The following PDE4B variants were observed in gnomAD, a reference collection of about 807,000 sequenced individuals.
The protein encoded by PDE4B is 3',5'-cyclic-AMP phosphodiesterase 4B.
PDE4B carries 20 observed loss-of-function variants against 82.2 expected under a neutral mutation model. That is an observed-to-expected ratio of 0.24 (90% CI 0.17 to 0.35). The LOEUF (loss-of-function observed/expected upper bound fraction) is 0.35, where lower values mean the gene tolerates loss of function less well. PDE4B is among the 10% of genes least tolerant of loss of function. The pLI, the probability that PDE4B is intolerant of heterozygous loss-of-function variation, is 1.00. For missense variants in PDE4B, 655 were observed against 907.2 expected, an observed-to-expected ratio of 0.72 and a Z score of 3.57; for synonymous variants, 320 against 318.9, an observed-to-expected ratio of 1.00 and a Z score of -0.04.
At chr1:66,100,341 C>T (rs1192074029) in intron 3 of PDE4B, among the ~76,000 whole-genome samples, 1 of 152,150 alleles carries the variant, frequency 6.6e-6, no homozygotes, top group Non-Finnish European at 1.5e-5. Context: ...GTGTGAGCCA[C>T]TGTGTCCAGC....
At chr1:66,278,086 A>G (rs867059078) in intron 7 of PDE4B, among the ~76,000 whole-genome samples, 1 of 152,214 alleles carries the variant, frequency 6.6e-6, no homozygotes, top group Non-Finnish European at 1.5e-5. Flanking sequence ...TATTTTCTTG[A>G]CTGTTTATAC....
At chr1:66,268,667 CAAAAAAAAA>C (rs36046564) in intron 7 of PDE4B, among the ~76,000 whole-genome samples, 3 of 61,226 alleles carry the variant, frequency 4.9e-5, no homozygotes, top group Admixed American at 2.3e-4. Flanking sequence ...GACTCCATCT[CAAAAAAAAA>C]AAAAAAAAAA....
intron 3 of PDE4B, among the ~76,000 whole-genome samples, chr1:65,956,833 A>G (rs1486591164): frequency 6.6e-6 from 1 of 152,102 alleles, no homozygotes; most frequent in Non-Finnish European, 1.5e-5. Flanking sequence ...CCAGGAAACA[A>G]CAAATTATTT....
At chr1:66,248,625 T>G (rs1653509154) in intron 4 of PDE4B, among the ~76,000 whole-genome samples, 1 of 152,234 alleles carries the variant, frequency 6.6e-6, no homozygotes. Context: ...TTGGCAAAAT[T>G]TACTGATTCT....
At chr1:66,255,051 CT>C (rs1016319064) in intron 4 of PDE4B, among the ~76,000 whole-genome samples, 8 of 151,316 alleles carry the variant, frequency 5.3e-5, no homozygotes, top group East Asian at 1.9e-4. Flanking sequence ...TTCTTTCATT[CT>C]TTTTTTCTTT....
chr1:65,884,025 T>A (rs376165995), intron 1 of PDE4B, among the ~76,000 whole-genome samples: 9 of 152,182 alleles, frequency 5.9e-5, no homozygotes, highest in Admixed American at 2.0e-4. Context: ...TCATGGTGGA[T>A]AAGCTTTTTG....
At chr1:66,071,944 AAG>A (rs1557540566) in intron 3 of PDE4B, among the ~76,000 whole-genome samples, 1 of 152,082 alleles carries the variant, frequency 6.6e-6, no homozygotes, top group Non-Finnish European at 1.5e-5. Flanking sequence ...TTGAGGTACA[AAG>A]AGCCTAGGTG....
chr1:66,017,030 T>G (rs571442752), intron 3 of PDE4B, among the ~76,000 whole-genome samples: 1 of 152,286 alleles, frequency 6.6e-6, no homozygotes, highest in South Asian at 2.1e-4. Flanking sequence ...AGAACTAGGC[T>G]AGAATAGGGA....
intron 3 of PDE4B, among the ~76,000 whole-genome samples, chr1:66,025,891 T>C (rs1653407570): frequency 6.6e-6 from 1 of 152,230 alleles, no homozygotes; most frequent in Non-Finnish European, 1.5e-5. Context: ...GAGTATTAAG[T>C]GTCAAACTTA....
intron 3 of PDE4B, among the ~76,000 whole-genome samples, chr1:66,101,053 T>C (rs142427673): frequency 0.017 from 2,649 of 152,192 alleles, 156 homozygotes; most frequent in East Asian, 0.14. Flanking sequence ...CATTGTTCAA[T>C]TTCCACCTAT....
intron 3 of PDE4B, among the ~76,000 whole-genome samples, chr1:66,023,920 G>C (rs932755051): frequency 9.9e-5 from 15 of 151,982 alleles, no homozygotes; most frequent in African/African-American, 3.6e-4. Context: ...CTCAAGTGGA[G>C]AGTTGAACTC....
At chr1:66,055,578 C>T (rs1655251933) in intron 3 of PDE4B, among the ~76,000 whole-genome samples, 1 of 152,052 alleles carries the variant, frequency 6.6e-6, no homozygotes, top group African/African-American at 2.4e-5. Context: ...TATTGTAGGT[C>T]AGGAATAAGA....
intron 3 of PDE4B, among the ~76,000 whole-genome samples, chr1:65,946,194 G>T (rs972623092): frequency 2.0e-5 from 3 of 151,934 alleles, no homozygotes; most frequent in Non-Finnish European, 4.4e-5. Flanking sequence ...ATGCGGGTTT[G>T]TGACATATGT....
At chr1:65,866,824 G>C (rs1646517020) in intron 1 of PDE4B, among the ~76,000 whole-genome samples, 3 of 152,060 alleles carry the variant, frequency 2.0e-5, no homozygotes, top group Admixed American at 2.0e-4. Context: ...AGACTTCCAG[G>C]GAATATTGGC....
At chr1:65,849,310 A>C (rs1485969051) in intron 1 of PDE4B, among the ~76,000 whole-genome samples, 1 of 152,152 alleles carries the variant, frequency 6.6e-6, no homozygotes, top group East Asian at 1.9e-4. Context: ...TGTCACACTC[A>C]CTGGGAGGTG....
At chr1:65,971,736 T>C (rs1650151270) in intron 3 of PDE4B, among the ~76,000 whole-genome samples, 1 of 152,148 alleles carries the variant, frequency 6.6e-6, no homozygotes, top group Non-Finnish European at 1.5e-5. Context: ...TGAGCTGTTT[T>C]TGAGAAATCG....
At position 66,008,582 on chromosome 1, in the gene PDE4B, A is replaced by T. The variant is rs578031207; in HGVS notation, c.281+89747A>T. Among the ~76,000 whole-genome samples, 10 of 152,144 alleles carry T rather than the reference A, an allele frequency of 6.6e-5. No homozygotes were observed. The South Asian group carries it at 2.1e-3, about 32-fold the overall frequency. Reference sequence around the variant, plus strand: ...CCTTTAAAAAGCCCTCTTTGACCCGAGGCACTCCTCTATCTATTGCTGTAT... The same window carrying T: ...CCTTTAAAAAGCCCTCTTTGACCCGTGGCACTCCTCTATCTATTGCTGTAT... On this transcript the variant is annotated intron_variant, in intron 3 of 16. Transcript: ENST00000341517.
intron 3 of PDE4B, among the ~76,000 whole-genome samples, chr1:66,049,154 A>G (rs947183570): frequency 2.0e-5 from 3 of 152,032 alleles, no homozygotes; most frequent in East Asian, 1.9e-4. Context: ...TCTAAATTCT[A>G]TTGTGAACCT....
intron 7 of PDE4B, among the ~76,000 whole-genome samples, chr1:66,277,229 C>T (rs1655944626): frequency 6.6e-6 from 1 of 152,104 alleles, no homozygotes. Context: ...GTAAGGGACG[C>T]AGCCACAGAG....
Sources: allele counts gnomAD v4.1 joint callset (sites outside exome capture counted in the v4.1 genomes callset), GRCh38; gene constraint gnomAD v4.1.1; transcripts MANE v1.5; gene names NCBI Gene and HGNC (gene_info 2026-07-23, HGNC 2026-07-21).